The following ULK4 variants were observed in gnomAD, a reference collection of about 807,000 sequenced individuals.
The protein encoded by ULK4 is unc-51 like kinase 4.
Under a neutral mutation model 160.6 loss-of-function variants are expected in ULK4, and 133 were observed. That is an observed-to-expected ratio of 0.83 (90% CI 0.72 to 0.96). ULK4 has a LOEUF of 0.96. ULK4 is among the 40% of genes least tolerant of loss of function. ULK4 has a pLI of 0.00. For synonymous variants in ULK4, 534 were observed against 539.8 expected, an observed-to-expected ratio of 0.99 and a Z score of 0.15; for missense variants, 1,580 against 1,499.5, an observed-to-expected ratio of 1.05 and a Z score of -0.89.
At chr3:41,496,844 C>T (rs968395052) in intron 32 of ULK4, among the ~76,000 whole-genome samples, 18 of 151,994 alleles carry the variant, frequency 1.2e-4, no homozygotes, top group Non-Finnish European at 1.9e-4. Context: ...AATAGACCCA[C>T]GATTAGAAAA....
rs1698241571 is a variant in ULK4, at chr3:41,898,416, T to A, written c.1348+16A>T. ...ACAAAGAGTCTACATGTTCGATAAG[T>A]CCTTTATGATCCTACCTGAATATGT... On this transcript the variant is annotated intron_variant, in intron 14 of 36. Coordinates refer to ENST00000301831, the MANE Select transcript of ULK4 (RefSeq NM_017886.4). The A allele has an allele frequency of 1.3e-6, 2 of 1,532,704 alleles. No individual in the cohort carries two copies. Among genetic ancestry groups the A allele is most frequent in the Admixed American group, 2.0e-5 (1 of 50,818 alleles). The allele number at this position is 1,532,704 out of a possible 1,614,324, so 94.9% of individuals were successfully genotyped here.
chr3:41,585,238 C>A (rs2030703472), intron 31 of ULK4, among the ~76,000 whole-genome samples: 1 of 152,160 alleles, frequency 6.6e-6, no homozygotes, highest in Admixed American at 6.5e-5. Flanking sequence ...ACAAACTTCT[C>A]CAAGTTTTCT....
intron 35 of ULK4, among the ~76,000 whole-genome samples, chr3:41,305,792 C>G (rs1240763446): frequency 6.7e-6 from 1 of 149,030 alleles, no homozygotes; most frequent in Non-Finnish European, 1.5e-5. Context: ...TCTTCCCGGC[C>G]GCCATCACAT....
At chr3:41,777,157 G>GT (rs1281171765) in intron 21 of ULK4, among the ~76,000 whole-genome samples, 3 of 70,588 alleles carry the variant, frequency 4.3e-5, no homozygotes, top group Admixed American at 1.4e-4. Context: ...TTGGGAGAGT[G>GT]TATGTGTCGA....
chr3:41,788,460 G>A (rs555389509), intron 21 of ULK4, among the ~76,000 whole-genome samples: 21 of 152,108 alleles, frequency 1.4e-4, no homozygotes, highest in East Asian at 3.9e-4. Flanking sequence ...CAAGGAGGGC[G>A]GATCACAAGT....
intron 35 of ULK4, among the ~76,000 whole-genome samples, chr3:41,277,432 AG>A (rs1211971941): frequency 1.3e-5 from 2 of 152,266 alleles, no homozygotes; most frequent in African/African-American, 4.8e-5. Flanking sequence ...TTAGGGATGG[AG>A]GGATGGCTTA....
At position 41,663,072 on chromosome 3, in the gene ULK4, T is replaced by A. The variant is rs1267280613; in HGVS notation, c.3071+535A>T. Among the ~76,000 whole-genome samples the A allele has an allele frequency of 5.3e-5, 8 of 151,754 alleles. No homozygotes were observed. In the East Asian group the frequency reaches 1.6e-3, roughly 29 times the overall value. On this transcript the variant is annotated intron_variant, in intron 30 of 36. Transcript: ENST00000301831. ...CCCATCTCTACTAAAAATACAAAAATTAGCTGGGCATGGCGGCGGGCACCT... is the reference window on the plus strand; with the variant it reads ...CCCATCTCTACTAAAAATACAAAAAATAGCTGGGCATGGCGGCGGGCACCT...
At chr3:41,504,384 CAAAAAATATTTAAAT>C (rs2085310796) in intron 32 of ULK4, among the ~76,000 whole-genome samples, 1 of 152,030 alleles carries the variant, frequency 6.6e-6, no homozygotes, top group Non-Finnish European at 1.5e-5. Context: ...AATTAGTTCT[CAAAAAATATTTAAAT>C]AAATGAATAT....
At chr3:41,480,811 C>A (rs955625218) in intron 32 of ULK4, among the ~76,000 whole-genome samples, 15 of 152,114 alleles carry the variant, frequency 9.9e-5, no homozygotes, top group African/African-American at 3.6e-4. Context: ...GCAAACACGT[C>A]CTTCTTCACA....
intron 31 of ULK4, among the ~76,000 whole-genome samples, chr3:41,576,135 C>T (rs530111735): frequency 6.6e-6 from 1 of 152,336 alleles, no homozygotes; most frequent in South Asian, 2.1e-4. Flanking sequence ...TCCAGACACA[C>T]AACTCCTTCA....
chr3:41,463,061 A>G, intron 33 of ULK4, 26 bp downstream of exon 33: 1 of 1,609,330 alleles, frequency 6.2e-7, no homozygotes, highest in Middle Eastern at 1.8e-4. Flanking sequence ...AGGGCTGCTC[A>G]AGACACAGGA....
At chr3:41,533,416 T>C (rs2086390116) in intron 32 of ULK4, among the ~76,000 whole-genome samples, 1 of 152,234 alleles carries the variant, frequency 6.6e-6, no homozygotes, top group African/African-American at 2.4e-5. Context: ...TTTACTCACA[T>C]GTAATGTCCC....
At chr3:41,319,340 T>C (rs2080206506) in intron 35 of ULK4, among the ~76,000 whole-genome samples, 1 of 152,152 alleles carries the variant, frequency 6.6e-6, no homozygotes, top group Admixed American at 6.5e-5. Flanking sequence ...GGATGCCTTG[T>C]TTCTACTGAG....
intron 13 of ULK4, chr3:41,899,143 T>C (rs1469822162): frequency 6.6e-6 from 1 of 152,072 alleles, no homozygotes; most frequent in Non-Finnish European, 1.5e-5. Context: ...GAAGCCATAA[T>C]AGCATGAATT....
chr3:41,938,233 T>C, intron 2 of ULK4, 36 bp from the exon 3 acceptor site: 1 of 1,542,832 alleles, frequency 6.5e-7, no homozygotes, highest in East Asian at 2.3e-5. Context: ...TAAAAAGAAA[T>C]TCCTAAAACT....
intron 16 of ULK4, 124 bp downstream of exon 16, chr3:41,895,394 G>A (rs115304348): frequency 1.0e-3 from 471 of 465,502 alleles, no homozygotes; most frequent in African/African-American, 7.7e-3. Flanking sequence ...CCTATGAGTA[G>A]AGTCATCATT....
At chr3:41,700,745 G>C (rs75727462) in intron 27 of ULK4, among the ~76,000 whole-genome samples, 1 of 152,072 alleles carries the variant, frequency 6.6e-6, no homozygotes, top group Admixed American at 6.6e-5. Context: ...AGACACCACA[G>C]ACAAAAGATG....
intron 21 of ULK4, among the ~76,000 whole-genome samples, chr3:41,764,167 A>G (rs921241114): frequency 1.3e-5 from 2 of 152,252 alleles, no homozygotes; most frequent in Admixed American, 1.3e-4. Context: ...TAAAGAAAAT[A>G]TAATCTTACA....
At chr3:41,941,776 A>AAAAAAAAAAC in intron 2 of ULK4, among the ~76,000 whole-genome samples, 1 of 149,430 alleles carries the variant, frequency 6.7e-6, no homozygotes, top group Admixed American at 6.7e-5. Context: ...AAAAAAAAAA[A>AAAAAAAAAAC]AAAGAGAAAG....
Sources: allele counts gnomAD v4.1 joint callset (sites outside exome capture counted in the v4.1 genomes callset), GRCh38; gene constraint gnomAD v4.1.1; transcripts MANE v1.5; gene names NCBI Gene and HGNC (gene_info 2026-07-23, HGNC 2026-07-21).